The following BACH1 variants were observed in gnomAD, a reference collection of about 807,000 sequenced individuals.
BACH1 encodes BTB domain and CNC homolog 1.
BACH1 carries 35 observed loss-of-function variants against 52.9 expected under a neutral mutation model. That is an observed-to-expected ratio of 0.66 (90% confidence interval 0.51 to 0.88). BACH1 has a LOEUF of 0.88. Ranked by LOEUF, BACH1 falls within the 40% of genes least tolerant of loss-of-function variation. The pLI is 0.00. For missense variants in BACH1, 808 were observed against 872.6 expected, an observed-to-expected ratio of 0.93 and a Z score of 0.93; for synonymous variants, 321 against 319.6, an observed-to-expected ratio of 1.00 and a Z score of -0.05.
chr21:29,317,417 T>A (rs1229388586), intron 1 of BACH1, among the ~76,000 whole-genome samples: 1 of 152,196 alleles, frequency 6.6e-6, no homozygotes, highest in Non-Finnish European at 1.5e-5. Context: ...AACAGAGAAC[T>A]AAAAGGTGAG....
In BACH1 at chr21:29,326,562, C is replaced by T. The variant is rs147096876; in HGVS notation, c.738C>T (p.Val246=). 98 of 1,613,994 alleles carry T rather than the reference C, an allele frequency of 6.1e-5. No individual in the cohort carries two copies. Among genetic ancestry groups the T allele is most frequent in the South Asian group, 1.1e-5 (1 of 91,058 alleles). The change falls in exon 3 of 5, where the codon GTC becomes GTT. Residue 246 remains valine (V), a synonymous_variant. Coordinates refer to ENST00000286800, the MANE Select transcript of BACH1 (RefSeq NM_001186.4). ...TDRVRTGESS[V]KDIHASVQPN... ...GAGTCCGTACTGGGGAATCTAGTGT[C>T]AAAGACATTCATGCTTCTGTTCAGC...
At chr21:29,361,700 C>T (rs1232261452) in intron 2 of BACH1, 1 of 152,198 alleles carries the variant, frequency 6.6e-6, no homozygotes, top group Non-Finnish European at 1.5e-5. Context: ...AAACCAGCTT[C>T]CTCCATAAAC....
chr21:29,351,410 T>G (rs185369766), intron 2 of BACH1, among the ~76,000 whole-genome samples: 1 of 152,332 alleles, frequency 6.6e-6, no homozygotes, highest in East Asian at 1.9e-4. Context: ...CAGAGAATCT[T>G]CCTTTGTGAA....
At chr21:29,307,710 C>G (rs917948348) in intron 1 of BACH1, among the ~76,000 whole-genome samples, 1 of 152,134 alleles carries the variant, frequency 6.6e-6, no homozygotes, top group Admixed American at 6.5e-5. Context: ...CAGGTATCCA[C>G]TGGGGTTCTT....
intron 1 of BACH1, among the ~76,000 whole-genome samples, chr21:29,318,605 C>G (rs1271868350): frequency 6.6e-6 from 1 of 152,186 alleles, no homozygotes; most frequent in African/African-American, 2.4e-5. Flanking sequence ...TGAAAACTGC[C>G]TAAACAGATG....
chr21:29,321,386 G>A lies in BACH1; in HGVS notation c.106G>A (p.Val36Ile), dbSNP rs779453394. 1 of 1,614,228 alleles carries A rather than the reference G, an allele frequency of 6.2e-7. No individual in the cohort carries two copies. The highest frequency in any genetic ancestry group is 8.5e-7 in the Non-Finnish European group (1 of 1,180,042). Residue 36 changes from valine (V) to isoleucine (I), a missense_variant, in exon 2 of 5, where the codon GTC (valine) becomes ATC (isoleucine). By Grantham distance (29) the Val-to-Ile change is conservative (BLOSUM62 3). Transcript: ENST00000286800. ...DQRKKDVLCDVTIFVEGQRFR... is the reference protein window; with the variant it reads ...DQRKKDVLCDITIFVEGQRFR... ...GCGGAAGAAAGATGTGCTGTGCGAT[G>A]TCACCATCTTTGTGGAGGGACAGCG...
At position 29,326,263 on chromosome 21, in the gene BACH1, T is replaced by C. The variant is rs769291670; in HGVS notation, c.439T>C (p.Ser147Pro). 6.2e-7 allele frequency: 1 copy of C among 1,614,104 alleles called. No individual in the cohort carries two copies. Among genetic ancestry groups the C allele is most frequent in the Middle Eastern group, 1.6e-4 (1 of 6,062 alleles). Residue 147 changes from serine (S) to proline (P), a missense_variant, in exon 3 of 5, where the codon TCA becomes CCA. By Grantham distance (74) the Ser-to-Pro change is moderately conservative (BLOSUM62 -1). Transcript: ENST00000286800. ...QQECPRKKCF[S>P]SHCQKTDLKL... ...AGAATGCCCAAGAAAAAAATGCTTT[T>C]CATCACACTGTCAGAAAACAGACCT... is the stretch of plus-strand genomic sequence containing the variant.
downstream of BACH1, chr21:29,346,255 T>C (rs1435474921): frequency 6.8e-6 from 1 of 146,382 alleles, no homozygotes. Flanking sequence ...GAATCTTTCC[T>C]TAGTTGATGA....
intron 4 of BACH1, among the ~76,000 whole-genome samples, chr21:29,340,073 T>G (rs963096746): frequency 3.3e-5 from 5 of 152,238 alleles, no homozygotes; most frequent in Admixed American, 1.3e-4. Context: ...AAAATGGAAA[T>G]ATATTGTAGG....
intron 2 of BACH1, among the ~76,000 whole-genome samples, chr21:29,360,190 C>A (rs1287832931): frequency 6.6e-6 from 1 of 152,198 alleles, no homozygotes; most frequent in Middle Eastern, 3.4e-3. Flanking sequence ...ATGTATAAAA[C>A]CAAGCTGTGC....
chr21:29,318,865 A>G (rs2088817289), intron 1 of BACH1, among the ~76,000 whole-genome samples: 1 of 151,568 alleles, frequency 6.6e-6, no homozygotes, highest in African/African-American at 2.4e-5. Flanking sequence ...TGCGGTCCAT[A>G]TCTGTATTCT....
chr21:29,341,915 T>G (rs2089117608), intron 4 of BACH1, among the ~76,000 whole-genome samples: 7 of 152,338 alleles, frequency 4.6e-5, no homozygotes, highest in Admixed American at 3.9e-4. Flanking sequence ...ACTTTTACTT[T>G]TTTTCTTGTA....
At chr21:29,318,911 A>G (rs1415920850) in intron 1 of BACH1, among the ~76,000 whole-genome samples, 4 of 152,032 alleles carry the variant, frequency 2.6e-5, no homozygotes, top group Non-Finnish European at 5.9e-5. Flanking sequence ...AGCTCCCCAC[A>G]TTGCTGCAGT....
rs1323344639 is a variant in BACH1, at chr21:29,345,543, C to T, written c.*2710C>T. ...AATTCTGGAACTATAGCAAATAATT[C>T]GTTAAATTGTCATATTCAAAACAAA... On this transcript the variant is annotated 3_prime_UTR_variant, in exon 5 of 5. Transcript: ENST00000286800. 2.0e-5 allele frequency: 3 copies of T among 152,004 alleles called. No homozygotes were observed. Among genetic ancestry groups the T allele is most frequent in the Non-Finnish European group, 2.9e-5 (2 of 67,958 alleles). The allele number at this position is 152,004 out of a possible 1,614,324, so 9.4% of individuals were successfully genotyped here.
At chr21:29,319,234 C>T (rs1197585094) in intron 1 of BACH1, among the ~76,000 whole-genome samples, 6 of 152,102 alleles carry the variant, frequency 3.9e-5, no homozygotes, top group African/African-American at 1.2e-4. Flanking sequence ...GAGACTTAAA[C>T]GTGTTCATTA....
At chr21:29,315,186 T>G (rs183004693) in intron 1 of BACH1, among the ~76,000 whole-genome samples, 1 of 152,330 alleles carries the variant, frequency 6.6e-6, no homozygotes, top group Admixed American at 6.5e-5. Context: ...TGTTGGATCT[T>G]TGCCATCCAC....
At chr21:29,358,135 C>T (rs1044411951) in intron 2 of BACH1, among the ~76,000 whole-genome samples, 1 of 152,198 alleles carries the variant, frequency 6.6e-6, no homozygotes, top group Non-Finnish European at 1.5e-5. Context: ...TTCCTCTGCC[C>T]TTTTGGGTGG....
rs866061804 is a variant in BACH1, at chr21:29,324,598, G to A, written c.235-1461G>A. ...TGTGTGTGTGTGTGTGTGTGTGTGT[G>A]TGTAGCTTTTTACCTATTGAAGGAA... On this transcript the variant is annotated intron_variant, in intron 2 of 4. Transcript: ENST00000286800. Among the ~76,000 whole-genome samples, 317 of 124,468 alleles carry A rather than the reference G, an allele frequency of 2.5e-3. 1 individual carries two copies. Among genetic ancestry groups the A allele is most frequent in the African/African-American group, 9.2e-3 (300 of 32,442 alleles). The allele number at this position is 124,468 out of a possible 152,430, so 81.7% of individuals were successfully genotyped here.
intron 2 of BACH1, chr21:29,351,750 T>C (rs2089203639): frequency 3.7e-6 from 2 of 534,724 alleles, no homozygotes; most frequent in African/African-American, 3.8e-5. Context: ...GGAAGCTTAA[T>C]GTGGAATCAA....
Sources: allele counts gnomAD v4.1 joint callset (sites outside exome capture counted in the v4.1 genomes callset), GRCh38; gene constraint gnomAD v4.1.1; transcripts MANE v1.5; gene names NCBI Gene and HGNC (gene_info 2026-07-23, HGNC 2026-07-21).